PXT1: variants seen among roughly 807,000 people sequenced by gnomAD.
The protein encoded by PXT1 is peroxisomal testis-specific protein 1.
A neutral mutation model predicts 11.0 loss-of-function variants in PXT1; 11 were observed. The observed-to-expected ratio is 1.00, with a 90% confidence interval of 0.63 to 1.66. The LOEUF is 1.66. Among genes scored for constraint, PXT1 ranks in the 40% most tolerant of loss-of-function variants. The pLI, the probability that PXT1 is intolerant of heterozygous loss-of-function variation, is 0.00. For synonymous variants in PXT1, 43 were observed against 51.4 expected (o/e 0.84, Z 0.70); for missense variants, 141 against 155.5 (o/e 0.91, Z 0.49).
chr6:36,428,780 A>G (rs954621548), intron 2 of PXT1, among the ~76,000 whole-genome samples: 9 of 150,408 alleles, frequency 6.0e-5, no homozygotes, highest in Non-Finnish European at 5.9e-5. Context: ...CTCTCGCTCT[A>G]TCACCCAGGC....
At position 36,438,863 on chromosome 6, in the gene PXT1, T is replaced by C. The variant is rs1263505453; in HGVS notation, c.-106A>G. ...CTCTTTTGTTTGCTTTGTTTTCCTT[T>C]ATATACCATTTGTTGGAGGTTCTCT... On this transcript the variant is annotated 5_prime_UTR_variant, in exon 2 of 5. In the 5' UTR this introduces an upstream ATG that the reference lacks. Transcript: ENST00000454782. The C allele has an allele frequency of 6.6e-6, 1 of 152,244 alleles. No individual in the cohort carries two copies. The highest frequency in any genetic ancestry group is 1.5e-5 in the Non-Finnish European group (1 of 68,036). 9.4% of individuals were successfully genotyped at this position (152,244 alleles called of 1,614,324 possible).
chr6:36,413,425 TAAGA>T (rs1207238438), intron 3 of PXT1, among the ~76,000 whole-genome samples: 2 of 99,714 alleles, frequency 2.0e-5, no homozygotes, highest in Non-Finnish European at 5.7e-5. Context: ...TCAAAAAAAA[TAAGA>T]AAGAAAGAAA....
At chr6:36,427,434 G>T (rs374979282) in intron 2 of PXT1, among the ~76,000 whole-genome samples, 5 of 152,152 alleles carry the variant, frequency 3.3e-5, no homozygotes, top group Non-Finnish European at 7.4e-5. Flanking sequence ...ACTGGAAAGG[G>T]AAAGAATGGC....
chr6:36,423,608 A>G lies in PXT1; in HGVS notation c.169+2306T>C, dbSNP rs1774557850. On this transcript the variant is annotated intron_variant, in intron 3 of 4. Transcript: ENST00000454782. ...TATTCTATCAGTCTTTGGTTACTCT[A>G]TCTGGCGTTCTCGACGCCGTAATAA... 2.0e-5 allele frequency among the ~76,000 whole-genome samples: 3 copies of G among 152,148 alleles called. No individual in the cohort carries two copies. The South Asian group carries it at 6.2e-4, about 32-fold the overall frequency.
intron 2 of PXT1, among the ~76,000 whole-genome samples, chr6:36,436,951 T>A (rs956389426): frequency 7.9e-5 from 12 of 152,192 alleles, no homozygotes; most frequent in Middle Eastern, 6.8e-3. Flanking sequence ...TGTTCAAAAT[T>A]TTGGGGTGCA....
intron 3 of PXT1, among the ~76,000 whole-genome samples, chr6:36,422,872 C>G (rs1774542189): frequency 6.6e-6 from 1 of 152,172 alleles, no homozygotes; most frequent in African/African-American, 2.4e-5. Context: ...AATTATTACA[C>G]TTCTGCCCCT....
At chr6:36,411,035 C>G (rs530980079) in intron 3 of PXT1, among the ~76,000 whole-genome samples, 6 of 152,204 alleles carry the variant, frequency 3.9e-5, no homozygotes, top group Non-Finnish European at 7.3e-5. Context: ...TGAATACCTG[C>G]ATAATCAGTA....
intron 4 of PXT1, among the ~76,000 whole-genome samples, chr6:36,395,496 T>C: frequency 8.6e-6 from 1 of 115,670 alleles, no homozygotes; most frequent in Non-Finnish European, 1.8e-5. Context: ...ACTTAGGATT[T>C]TTTTTTTTTT....
chr6:36,394,574 G>C (rs944097634), intron 4 of PXT1, among the ~76,000 whole-genome samples: 3 of 152,150 alleles, frequency 2.0e-5, no homozygotes, highest in South Asian at 2.1e-4. Context: ...TTGGGGCATA[G>C]AGACAGGGGC....
At chr6:36,435,166 G>T (rs1321497171) in intron 2 of PXT1, among the ~76,000 whole-genome samples, 1 of 152,212 alleles carries the variant, frequency 6.6e-6, no homozygotes, top group African/African-American at 2.4e-5. Flanking sequence ...GTGGCCAGGT[G>T]TGATGGCTCA....
At position 36,400,480 on chromosome 6, in the gene PXT1, T is replaced by G. The variant is rs1390155184; in HGVS notation, c.274A>C (p.Asn92His). 1 of 1,613,986 alleles carries G rather than the reference T, an allele frequency of 6.2e-7. No homozygotes were observed. ...TCTCGAACCATCCTATGATCAATGT[T>G]GTCCCCAATGTGTCTCAGCTGCATG... Reference protein sequence around the residue: ...LAMQLRHIGDNIDHRMVREDL... With the variant: ...LAMQLRHIGDHIDHRMVREDL... The change falls in exon 4 of 5, where the codon AAC becomes CAC. Residue 92 changes from asparagine to histidine, a missense_variant. Coordinates refer to ENST00000454782, the MANE Select transcript of PXT1 (RefSeq NM_152990.4).
At chr6:36,424,565 G>A (rs1048465773) in intron 3 of PXT1, among the ~76,000 whole-genome samples, 1 of 152,180 alleles carries the variant, frequency 6.6e-6, no homozygotes, top group East Asian at 1.9e-4. Context: ...GCGTGAACCT[G>A]GGAGGCGGAG....
chr6:36,425,633 A>T (rs9470273), intron 3 of PXT1, among the ~76,000 whole-genome samples: 36,869 of 151,386 alleles, frequency 0.24, 4,700 homozygotes, highest in East Asian at 0.39. Context: ...AAAAATATTT[A>T]AAAAATTAGC....
intron 3 of PXT1, among the ~76,000 whole-genome samples, chr6:36,409,727 G>A (rs1157639809): frequency 6.6e-6 from 1 of 151,804 alleles, no homozygotes; most frequent in Non-Finnish European, 1.5e-5. Flanking sequence ...TCGGGAGGCT[G>A]AGGTGGGAGG....
intron 2 of PXT1, among the ~76,000 whole-genome samples, chr6:36,427,327 CA>C (rs200425407): frequency 8.4e-6 from 1 of 118,856 alleles, no homozygotes; most frequent in Non-Finnish European, 1.6e-5. Context: ...TCTTCCTGGG[CA>C]TTTAATTCTT....
At chr6:36,425,800 C>CAAACAAACAAAA (rs1554154117) in intron 3 of PXT1, 114 bp downstream of exon 3, 1 of 215,662 alleles carries the variant, frequency 4.6e-6, no homozygotes, top group African/African-American at 3.4e-5. Context: ...AAAACAAAAA[C>CAAACAAACAAAA]AAAAAATATA....
intron 3 of PXT1, among the ~76,000 whole-genome samples, chr6:36,422,986 G>C (rs1469693513): frequency 6.6e-6 from 1 of 152,082 alleles, no homozygotes; most frequent in Non-Finnish European, 1.5e-5. Flanking sequence ...TAAATGATGT[G>C]TATCAGGATG....
At position 36,391,433 on chromosome 6, in the gene PXT1, T is replaced by C. The variant is rs1774065013; in HGVS notation, c.*337A>G. ...CCTTTAGTTTGAGGACGAGGTTCTC[T>C]TTCATTCCTGGAAGGAAATGTTCAA... On this transcript the variant is annotated 3_prime_UTR_variant, in exon 5 of 5. Coordinates refer to ENST00000454782, the MANE Select transcript of PXT1 (RefSeq NM_152990.4). 7.8e-6 allele frequency: 2 copies of C among 257,134 alleles called. No homozygotes were observed. Among genetic ancestry groups the C allele is most frequent in the South Asian group, 5.1e-5 (1 of 19,642 alleles). 15.9% of individuals were successfully genotyped at this position (257,134 alleles called of 1,614,324 possible).
At chr6:36,420,837 G>C (rs1774513393) in intron 3 of PXT1, among the ~76,000 whole-genome samples, 1 of 152,160 alleles carries the variant, frequency 6.6e-6, no homozygotes, top group African/African-American at 2.4e-5. Flanking sequence ...CGGATCACCT[G>C]AGGTCAGGAG....
Sources: gnomAD v4.1 joint callset for allele counts (sites outside exome capture counted in the v4.1 genomes callset) on GRCh38, gnomAD v4.1.1 for gene constraint, MANE v1.5 for transcripts, NCBI Gene and HGNC (gene_info 2026-07-23, HGNC 2026-07-21) for gene names.